The following KCNJ3 variants were observed in gnomAD, a reference collection of about 807,000 sequenced individuals.
The protein encoded by KCNJ3 is G protein-activated inward rectifier potassium channel 1.
Under a neutral mutation model 39.2 loss-of-function variants are expected in KCNJ3, and 4 were observed. The observed-to-expected ratio is 0.10, with a 90% CI of 0.05 to 0.23. The LOEUF is 0.23. Among genes scored for constraint, KCNJ3 ranks in the 10% least tolerant of loss-of-function variants. KCNJ3 has a pLI of 1.00. For missense variants in KCNJ3, 276 were observed against 634.9 expected, an observed-to-expected ratio of 0.43 and a Z score of 6.08; for synonymous variants, 230 against 237.4, an observed-to-expected ratio of 0.97 and a Z score of 0.29.
At chr2:154,829,011 T>C (rs1419203721) in intron 2 of KCNJ3, among the ~76,000 whole-genome samples, 1 of 152,210 alleles carries the variant, frequency 6.6e-6, no homozygotes, top group Non-Finnish European at 1.5e-5. Flanking sequence ...CTATATCTGC[T>C]GTACCATCTT....
chr2:154,753,306 A>G (rs1044965499), intron 2 of KCNJ3, among the ~76,000 whole-genome samples: 1 of 152,128 alleles, frequency 6.6e-6, no homozygotes, highest in African/African-American at 2.4e-5. Context: ...TTCTGATTGA[A>G]AGCCATTTAG....
intron 2 of KCNJ3, among the ~76,000 whole-genome samples, chr2:154,772,462 C>T (rs12616962): frequency 0.031 from 4,757 of 151,924 alleles, 178 homozygotes; most frequent in East Asian, 0.2. Flanking sequence ...AATGTGTTTT[C>T]GTGGGTATTA....
chr2:154,780,839 T>C (rs908893078), intron 2 of KCNJ3, among the ~76,000 whole-genome samples: 2 of 152,090 alleles, frequency 1.3e-5, no homozygotes, highest in African/African-American at 4.8e-5. Context: ...TGGTCCTTTG[T>C]GGTAGGAAGA....
chr2:154,739,439 G>A (rs1478629107), intron 2 of KCNJ3, among the ~76,000 whole-genome samples: 1 of 151,930 alleles, frequency 6.6e-6, no homozygotes, highest in Admixed American at 6.6e-5. Context: ...TGATGAGTTG[G>A]TGCTTTCACA....
At chr2:154,851,154 A>T (rs1232657417) in intron 2 of KCNJ3, among the ~76,000 whole-genome samples, 1 of 151,920 alleles carries the variant, frequency 6.6e-6, no homozygotes, top group East Asian at 1.9e-4. Flanking sequence ...AGGCAAGAAG[A>T]TTGCTTGAGC....
intron 2 of KCNJ3, among the ~76,000 whole-genome samples, chr2:154,803,601 A>G (rs1686859782): frequency 6.6e-6 from 1 of 151,968 alleles, no homozygotes; most frequent in African/African-American, 2.4e-5. Flanking sequence ...AAATTATTGT[A>G]TCCCTTTAAT....
At chr2:154,832,118 C>A (rs1312054124) in intron 2 of KCNJ3, among the ~76,000 whole-genome samples, 1 of 152,076 alleles carries the variant, frequency 6.6e-6, no homozygotes, top group African/African-American at 2.4e-5. Context: ...ATGCATTGCA[C>A]CAAGACATTC....
At chr2:154,843,587 A>C (rs1226585277) in intron 2 of KCNJ3, among the ~76,000 whole-genome samples, 1 of 152,092 alleles carries the variant, frequency 6.6e-6, no homozygotes, top group African/African-American at 2.4e-5. Flanking sequence ...TCAAATGTAG[A>C]TTTGATCTTT....
intron 2 of KCNJ3, among the ~76,000 whole-genome samples, chr2:154,735,030 C>T (rs1685503064): frequency 6.6e-6 from 1 of 151,148 alleles, no homozygotes; most frequent in Non-Finnish European, 1.5e-5. Flanking sequence ...GTGATAGTGA[C>T]GGCTTTAGCT....
intron 2 of KCNJ3, among the ~76,000 whole-genome samples, chr2:154,808,902 C>A (rs1176987858): frequency 6.6e-6 from 1 of 152,072 alleles, no homozygotes; most frequent in Non-Finnish European, 1.5e-5. Flanking sequence ...ATGACATCAG[C>A]ATTTAAGAAT....
chr2:154,815,767 C>T (rs1375237722), intron 2 of KCNJ3, among the ~76,000 whole-genome samples: 2 of 152,230 alleles, frequency 1.3e-5, no homozygotes, highest in Admixed American at 1.3e-4. Flanking sequence ...GCAGGCCCTT[C>T]AGCCATACTG....
At chr2:154,847,846 G>C (rs546327147) in intron 2 of KCNJ3, among the ~76,000 whole-genome samples, 3 of 152,292 alleles carry the variant, frequency 2.0e-5, no homozygotes, top group Non-Finnish European at 2.9e-5. Context: ...CTGGGATTCA[G>C]TGTTTGATGT....
intron 2 of KCNJ3, among the ~76,000 whole-genome samples, chr2:154,725,521 C>T (rs987732658): frequency 1.3e-5 from 2 of 152,084 alleles, no homozygotes; most frequent in Non-Finnish European, 1.5e-5. Flanking sequence ...CATGGTTCCA[C>T]TCCCAGTGTT....
chr2:154,759,874 CAG>C (rs1309381003), intron 2 of KCNJ3, among the ~76,000 whole-genome samples: 1 of 151,996 alleles, frequency 6.6e-6, no homozygotes, highest in African/African-American at 2.4e-5. Context: ...GTTCAATAAT[CAG>C]CATTTTATTA....
At chr2:154,820,321 G>GTTAGTCACTATGTATC (rs1687150626) in intron 2 of KCNJ3, among the ~76,000 whole-genome samples, 2 of 152,156 alleles carry the variant, frequency 1.3e-5, no homozygotes, top group South Asian at 4.1e-4. Context: ...TTCTTACGAT[G>GTTAGTCACTATGTATC]TTAGTCACTA....
intron 2 of KCNJ3, among the ~76,000 whole-genome samples, chr2:154,753,330 T>C (rs1392324700): frequency 3.5e-4 from 53 of 152,128 alleles, no homozygotes; most frequent in Admixed American, 3.5e-3. Context: ...CAGCATGGCG[T>C]GTTGGCTTAT....
At chr2:154,743,400 T>C (rs1269554058) in intron 2 of KCNJ3, among the ~76,000 whole-genome samples, 3 of 151,784 alleles carry the variant, frequency 2.0e-5, no homozygotes, top group Non-Finnish European at 3.0e-5. Flanking sequence ...ATCGAGGTCT[T>C]GATAGGGATT....
At chr2:154,830,476 G>C (rs1255832742) in intron 2 of KCNJ3, among the ~76,000 whole-genome samples, 1 of 152,006 alleles carries the variant, frequency 6.6e-6, no homozygotes, top group African/African-American at 2.4e-5. Flanking sequence ...TTCCAGAAAA[G>C]AGCCTCGGAA....
At chr2:154,804,886 T>A (rs1686883478) in intron 2 of KCNJ3, among the ~76,000 whole-genome samples, 2 of 152,148 alleles carry the variant, frequency 1.3e-5, no homozygotes, top group South Asian at 4.1e-4. Flanking sequence ...CATTATCAGT[T>A]TTTTATTATT....
Sources: gnomAD v4.1 joint callset for allele counts (sites outside exome capture counted in the v4.1 genomes callset) on GRCh38, gnomAD v4.1.1 for gene constraint, MANE v1.5 for transcripts, NCBI Gene and HGNC (gene_info 2026-07-23, HGNC 2026-07-21) for gene names.